CAMK1D: variants seen among roughly 807,000 people sequenced by gnomAD.
The protein encoded by CAMK1D is calcium/calmodulin dependent protein kinase ID, also known as calcium/calmodulin-dependent protein kinase type 1D.
CAMK1D carries 9 observed loss-of-function variants against 47.7 expected under a neutral mutation model. The ratio of observed to expected loss-of-function variants is 0.19; its 90% CI spans 0.11 to 0.33. CAMK1D has a LOEUF of 0.33. CAMK1D is among the 10% of genes least tolerant of loss of function. The probability of loss-of-function intolerance (pLI) is 1.00; values close to 1 mark genes in which losing one functional copy is unlikely to be tolerated. For missense variants in CAMK1D, 291 were observed against 488.7 expected (o/e 0.60, Z 3.81); for synonymous variants, 184 against 184.9 (o/e 0.99, Z 0.04).
At chr10:12,559,220 T>A (rs1057438604) in intron 2 of CAMK1D, among the ~76,000 whole-genome samples, 3 of 152,084 alleles carry the variant, frequency 2.0e-5, no homozygotes, top group Non-Finnish European at 4.4e-5. Flanking sequence ...GTGGGAGGAT[T>A]GCTTGAGCCG....
chr10:12,505,211 G>A (rs76112345), intron 1 of CAMK1D, among the ~76,000 whole-genome samples: 6 of 152,338 alleles, frequency 3.9e-5, no homozygotes, highest in Non-Finnish European at 5.9e-5. Context: ...GAGGAGCAAA[G>A]TGAAACTTGG....
intron 3 of CAMK1D, among the ~76,000 whole-genome samples, chr10:12,702,528 G>A (rs1833563888): frequency 6.6e-6 from 1 of 152,190 alleles, no homozygotes; most frequent in Admixed American, 6.5e-5. Context: ...AAGTTCCTAG[G>A]AATAACAGTA....
chr10:12,794,669 C>T (rs569486440), intron 6 of CAMK1D, among the ~76,000 whole-genome samples: 32 of 152,296 alleles, frequency 2.1e-4, no homozygotes, highest in Admixed American at 2.0e-3. Flanking sequence ...ACATCAATTT[C>T]ATGACACTGT....
intron 3 of CAMK1D, among the ~76,000 whole-genome samples, chr10:12,696,627 T>C (rs1833309278): frequency 6.6e-6 from 1 of 152,238 alleles, no homozygotes; most frequent in Non-Finnish European, 1.5e-5. Flanking sequence ...TTCATATTCA[T>C]GTTCAACAGT....
At chr10:12,824,359 G>A in intron 8 of CAMK1D, 106 bp from the exon 9 acceptor site, 3 of 964,014 alleles carry the variant, frequency 3.1e-6, no homozygotes, top group South Asian at 2.8e-5. Context: ...CCCTGTCCAC[G>A]ACTGAGCCTC....
At chr10:12,493,766 C>T (rs2724812) in intron 1 of CAMK1D, among the ~76,000 whole-genome samples, 110,974 of 152,140 alleles carry the variant, frequency 0.73, 40,877 homozygotes, top group East Asian at 0.9. Context: ...AGTGCTGGGA[C>T]TACAGGCGTG....
intron 2 of CAMK1D, among the ~76,000 whole-genome samples, chr10:12,577,884 A>C (rs1397508380): frequency 2.0e-5 from 3 of 152,200 alleles, no homozygotes; most frequent in Admixed American, 6.5e-5. Context: ...CCAGTTATCT[A>C]CGTAAAAAAT....
intron 2 of CAMK1D, among the ~76,000 whole-genome samples, chr10:12,556,547 G>A (rs974310910): frequency 3.3e-5 from 5 of 152,142 alleles, no homozygotes; most frequent in South Asian, 4.1e-4. Flanking sequence ...GGTCAGAAAC[G>A]CAGAGGGACA....
chr10:12,598,478 A>T lies in CAMK1D; in HGVS notation c.224+45122A>T, dbSNP rs543817926. On this transcript the variant is annotated intron_variant, in intron 2 of 10. Coordinates refer to ENST00000619168, the MANE Select transcript of CAMK1D (RefSeq NM_153498.4). ...GAGTACTTACTATGTACTGGGCAGC[A>T]TTTTCCATATCTCAGGAAGCAGTCT... Among the ~76,000 whole-genome samples the T allele has an allele frequency of 1.4e-4, 22 of 152,314 alleles. No homozygotes were observed. The South Asian group carries it at 4.3e-3, about 30-fold the overall frequency.
intron 3 of CAMK1D, among the ~76,000 whole-genome samples, chr10:12,751,071 GATA>G (rs1564535344): frequency 0.12 from 3,018 of 25,130 alleles, 125 homozygotes; most frequent in African/African-American, 0.36. Context: ...GATAAGATAA[GATA>G]AGATAAGATA....
chr10:12,597,847 G>C (rs978278051), intron 2 of CAMK1D, among the ~76,000 whole-genome samples: 4 of 152,118 alleles, frequency 2.6e-5, no homozygotes, highest in Non-Finnish European at 5.9e-5. Flanking sequence ...TGGATCTCTG[G>C]GAGATGTACT....
intron 3 of CAMK1D, among the ~76,000 whole-genome samples, chr10:12,692,266 T>C (rs1476476243): frequency 6.6e-6 from 1 of 152,166 alleles, no homozygotes; most frequent in East Asian, 1.9e-4. Flanking sequence ...GTGCTATTGA[T>C]GCAAGACAAA....
intron 1 of CAMK1D, among the ~76,000 whole-genome samples, chr10:12,427,708 T>TTG (rs1840293148): frequency 9.4e-6 from 1 of 106,372 alleles, no homozygotes. Flanking sequence ...CTGTTTTTTT[T>TTG]TTTTTTTTTT....
At chr10:12,520,873 G>A (rs1208795051) in intron 1 of CAMK1D, among the ~76,000 whole-genome samples, 3 of 32,352 alleles carry the variant, frequency 9.3e-5, no homozygotes, top group South Asian at 2.3e-3. Context: ...AGCCGAGATG[G>A]CAGCAGTACC....
chr10:12,387,978 G>A (rs1056756671), intron 1 of CAMK1D, among the ~76,000 whole-genome samples: 4 of 152,106 alleles, frequency 2.6e-5, no homozygotes, highest in African/African-American at 9.7e-5. Context: ...CCCACTGTGG[G>A]AGGGAAGAAG....
intron 5 of CAMK1D, among the ~76,000 whole-genome samples, chr10:12,774,323 G>A (rs1469468027): frequency 6.6e-5 from 10 of 152,100 alleles, no homozygotes; most frequent in Non-Finnish European, 1.2e-4. Flanking sequence ...GAGGGTGGCC[G>A]TGGTAAAGAT....
At chr10:12,768,517 G>A (rs1836885177) in intron 4 of CAMK1D, among the ~76,000 whole-genome samples, 1 of 152,136 alleles carries the variant, frequency 6.6e-6, no homozygotes, top group Non-Finnish European at 1.5e-5. Flanking sequence ...CAGATTCTTC[G>A]TGCTGCGCTC....
At chr10:12,728,127 T>C (rs376517857) in intron 3 of CAMK1D, among the ~76,000 whole-genome samples, 1 of 152,212 alleles carries the variant, frequency 6.6e-6, no homozygotes, top group African/African-American at 2.4e-5. Flanking sequence ...AAAACAGAGA[T>C]GGTGCCTCCA....
chr10:12,820,095 G>A (rs759875961), intron 8 of CAMK1D, among the ~76,000 whole-genome samples: 7 of 152,204 alleles, frequency 4.6e-5, no homozygotes, highest in African/African-American at 9.7e-5. Flanking sequence ...GCTAGAGTGC[G>A]GTGGCGCGAT....
Sources: allele counts gnomAD v4.1 joint callset (sites outside exome capture counted in the v4.1 genomes callset), GRCh38; gene constraint gnomAD v4.1.1; transcripts MANE v1.5; gene names NCBI Gene and HGNC (gene_info 2026-07-23, HGNC 2026-07-21).